Variants in ARHGAP8 observed in about 807,000 individuals in gnomAD.
The protein encoded by ARHGAP8 is rho GTPase-activating protein 8.
ARHGAP8 carries 62 observed loss-of-function variants against 46.1 expected under a neutral mutation model. That is an observed-to-expected ratio of 1.34 (90% CI 1.10 to 1.66). ARHGAP8 has a LOEUF of 1.66. Ranked by LOEUF, ARHGAP8 falls within the 40% of genes most tolerant of loss-of-function variation. The pLI is 0.00. For missense variants in ARHGAP8, 923 were observed against 568.4 expected, an observed-to-expected ratio of 1.62 and a Z score of -6.34; for synonymous variants, 375 against 243.1, an observed-to-expected ratio of 1.54 and a Z score of -5.05.
At chr22:44,861,359 G>A (rs921444106) in intron 11 of ARHGAP8, among the ~76,000 whole-genome samples, 2 of 152,210 alleles carry the variant, frequency 1.3e-5, no homozygotes, top group African/African-American at 2.4e-5. Flanking sequence ...GTGGGGTGTG[G>A]TGTTGCGTGT....
intron 8 of ARHGAP8, among the ~76,000 whole-genome samples, chr22:44,847,237 C>T (rs950087609): frequency 6.6e-6 from 1 of 152,210 alleles, no homozygotes; most frequent in Non-Finnish European, 1.5e-5. Flanking sequence ...GGGAGCCCTT[C>T]CCTCTACCCC....
At chr22:44,806,416 A>C (rs1265683840) in intron 3 of ARHGAP8, among the ~76,000 whole-genome samples, 1 of 152,212 alleles carries the variant, frequency 6.6e-6, no homozygotes, top group Non-Finnish European at 1.5e-5. Context: ...GGATGGGAGC[A>C]GGCGTGGATG....
intron 2 of ARHGAP8, 30 bp from the exon 3 acceptor site, chr22:44,802,047 A>G (rs1046947150): frequency 1.2e-6 from 2 of 1,612,032 alleles, no homozygotes; most frequent in East Asian, 4.5e-5. Flanking sequence ...AGAAGGTGGC[A>G]CAGAGGCTCA....
At chr22:44,802,038 G>A in intron 2 of ARHGAP8, 39 bp from the exon 3 acceptor site, 1 of 1,608,086 alleles carries the variant, frequency 6.2e-7, no homozygotes. Flanking sequence ...TTTTCTAGGA[G>A]AAGGTGGCAC....
chr22:44,767,979 GAT>G (rs1439176493), intron 1 of ARHGAP8, among the ~76,000 whole-genome samples: 7 of 101,620 alleles, frequency 6.9e-5, no homozygotes, highest in Non-Finnish European at 1.2e-4. Flanking sequence ...CTCCCCGCAT[GAT>G]GTCTTTTTTT....
At chr22:44,856,178 A>G (rs948798766) in intron 10 of ARHGAP8, among the ~76,000 whole-genome samples, 5 of 150,488 alleles carry the variant, frequency 3.3e-5, no homozygotes, top group East Asian at 2.0e-4. Context: ...TTACATTTCA[A>G]TGTGAGGTTT....
chr22:44,767,281 C>T (rs2147002830), intron 1 of ARHGAP8, among the ~76,000 whole-genome samples: 1 of 152,284 alleles, frequency 6.6e-6, no homozygotes, highest in Middle Eastern at 3.4e-3. Context: ...AACACACATA[C>T]ACTCCTTATC....
chr22:44,787,654 T>A (rs1043747078), intron 2 of ARHGAP8, among the ~76,000 whole-genome samples: 1 of 152,124 alleles, frequency 6.6e-6, no homozygotes, highest in Non-Finnish European at 1.5e-5. Flanking sequence ...CTTGCATTGC[T>A]TTAATTTAGG....
chr22:44,806,748 A>G (rs1602203433), intron 3 of ARHGAP8, among the ~76,000 whole-genome samples: 1 of 151,994 alleles, frequency 6.6e-6, no homozygotes, highest in East Asian at 1.9e-4. Context: ...AGGTCAGAAG[A>G]TCAAGACCAT....
chr22:44,785,520 G>T (rs890901711), intron 1 of ARHGAP8, among the ~76,000 whole-genome samples: 6 of 152,042 alleles, frequency 3.9e-5, no homozygotes, highest in African/African-American at 1.5e-4. Context: ...CTGAGTCATT[G>T]GATTCAGGGC....
intron 11 of ARHGAP8, among the ~76,000 whole-genome samples, chr22:44,860,181 C>T (rs558378678): frequency 3.3e-5 from 5 of 152,256 alleles, no homozygotes; most frequent in South Asian, 4.1e-4. Flanking sequence ...ACCACTGGTA[C>T]AGAGCCCAGT....
chr22:44,765,885 G>A (rs946826580), intron 1 of ARHGAP8: 47 of 152,518 alleles, frequency 3.1e-4, no homozygotes, highest in South Asian at 1.0e-3. Flanking sequence ...GCAGCTCCCC[G>A]AAGGGTGTGA....
chr22:44,756,754 CTTTA>C (rs1283918284), intron 1 of ARHGAP8, among the ~76,000 whole-genome samples: 1 of 151,850 alleles, frequency 6.6e-6, no homozygotes, highest in Non-Finnish European at 1.5e-5. Context: ...TTTCCTCCAG[CTTTA>C]TTTAGGCATA....
chr22:44,792,828 GGTT>G lies in ARHGAP8; in HGVS notation c.79+6223_79+6225del, dbSNP rs773286458. On this transcript the variant is annotated intron_variant, in intron 2 of 11. Coordinates refer to ENST00000356099, the MANE Select transcript of ARHGAP8 (RefSeq NM_181335.3). The stretch of plus-strand genomic sequence containing the variant: ...TGGTGGTGGTTTTTTTTGTTTTTTT[GGTT>G]TTTTTTTTTTGAGATGAAGTCTTAC... 1.5e-3 allele frequency among the ~76,000 whole-genome samples: 220 copies of G among 148,080 alleles called. 4 individuals carry two copies. In the South Asian group the frequency reaches 0.022, roughly 15 times the overall value.
rs1035307842 is a variant in ARHGAP8, at chr22:44,857,096, A to G, written c.878-2635A>G. 2.1e-5 allele frequency among the ~76,000 whole-genome samples: 3 copies of G among 143,494 alleles called. No homozygotes were observed. The East Asian group carries it at 5.9e-4, about 28-fold the overall frequency. 94.1% of individuals were successfully genotyped at this position (143,494 alleles called of 152,430 possible). On this transcript the variant is annotated intron_variant, in intron 10 of 11. Coordinates refer to ENST00000356099, the MANE Select transcript of ARHGAP8 (RefSeq NM_181335.3). ...GCTGGGATTACAGGTGCCCACCACCACACCCGGCTAATTTTGTATTTTTAG... is the reference window on the plus strand; with the variant it reads ...GCTGGGATTACAGGTGCCCACCACCGCACCCGGCTAATTTTGTATTTTTAG...
intron 10 of ARHGAP8, among the ~76,000 whole-genome samples, chr22:44,858,004 C>T (rs1041933125): frequency 1.3e-5 from 2 of 152,162 alleles, no homozygotes; most frequent in African/African-American, 2.4e-5. Context: ...AGATAAGGTT[C>T]AGGCACAACA....
At chr22:44,859,141 C>T (rs1200142062) in intron 10 of ARHGAP8, among the ~76,000 whole-genome samples, 1 of 152,144 alleles carries the variant, frequency 6.6e-6, no homozygotes, top group African/African-American at 2.4e-5. Flanking sequence ...GGTGGTGCTG[C>T]TGGCTGATAA....
chr22:44,803,981 A>G (rs925825204), intron 3 of ARHGAP8, among the ~76,000 whole-genome samples: 2 of 151,398 alleles, frequency 1.3e-5, no homozygotes, highest in Admixed American at 1.3e-4. Context: ...CACCAGACCC[A>G]CCTGCAGGAC....
At chr22:44,756,325 C>T (rs954622300) in intron 1 of ARHGAP8, among the ~76,000 whole-genome samples, 10 of 152,126 alleles carry the variant, frequency 6.6e-5, no homozygotes, top group Admixed American at 1.3e-4. Flanking sequence ...AGGTTGACCC[C>T]GTGTGGCACT....
Sources: gnomAD v4.1 joint callset for allele counts (sites outside exome capture counted in the v4.1 genomes callset) on GRCh38, gnomAD v4.1.1 for gene constraint, MANE v1.5 for transcripts, NCBI Gene and HGNC (gene_info 2026-07-23, HGNC 2026-07-21) for gene names.